Variants in MAP7 observed in about 807,000 individuals in gnomAD.
The protein encoded by MAP7 is ensconsin.
Under a neutral mutation model 94.8 loss-of-function variants are expected in MAP7, and 52 were observed. That is an observed-to-expected ratio of 0.55 (90% CI 0.44 to 0.69). The LOEUF (loss-of-function observed/expected upper bound fraction) is 0.69, where lower values mean the gene tolerates loss of function less well. Ranked by LOEUF, MAP7 falls within the 30% of genes least tolerant of loss-of-function variation. The pLI is 0.00. For missense variants in MAP7, 940 were observed against 964.6 expected (o/e 0.97, Z 0.34); for synonymous variants, 350 against 357.0 (o/e 0.98, Z 0.22).
intron 3 of MAP7, among the ~76,000 whole-genome samples, chr6:136,390,546 G>A (rs527304727): frequency 2.5e-4 from 38 of 152,140 alleles, no homozygotes; most frequent in South Asian, 1.2e-3. Flanking sequence ...CCAGCTACTC[G>A]GGAGGCTGAG....
intron 1 of MAP7, among the ~76,000 whole-genome samples, chr6:136,505,277 GTATATA>G (rs56764706): frequency 0.027 from 1,433 of 53,790 alleles, 82 homozygotes; most frequent in African/African-American, 0.11. Flanking sequence ...GTGTGTGTGT[GTATATA>G]TATATATATA....
intron 16 of MAP7, among the ~76,000 whole-genome samples, chr6:136,355,222 A>ATAATAATG (rs1279378717): frequency 1.3e-5 from 2 of 151,972 alleles, no homozygotes; most frequent in African/African-American, 4.8e-5. Context: ...TCTGTTCCCC[A>ATAATAATG]TAATAATGGG....
At chr6:136,424,357 T>G (rs1159538623) in intron 1 of MAP7, among the ~76,000 whole-genome samples, 2 of 151,288 alleles carry the variant, frequency 1.3e-5, no homozygotes, top group Non-Finnish European at 2.9e-5. Context: ...AATTAAGCCA[T>G]ATACTACGAT....
intron 1 of MAP7, among the ~76,000 whole-genome samples, chr6:136,503,043 T>G (rs920216561): frequency 6.6e-6 from 1 of 152,186 alleles, no homozygotes; most frequent in African/African-American, 2.4e-5. Flanking sequence ...TTATTCATGC[T>G]AATGCCTTGC....
chr6:136,548,987 C>G (rs928464403), intron 1 of MAP7, among the ~76,000 whole-genome samples: 6 of 152,162 alleles, frequency 3.9e-5, no homozygotes, highest in African/African-American at 1.4e-4. Context: ...ACCAATCTTG[C>G]GAACACATTA....
At chr6:136,519,978 C>T (rs1486129581) in intron 1 of MAP7, among the ~76,000 whole-genome samples, 1 of 151,988 alleles carries the variant, frequency 6.6e-6, no homozygotes, top group East Asian at 1.9e-4. Context: ...GTGTGGGGAT[C>T]ACTTGAGCCC....
chr6:136,353,163 TA>T (rs1789714366), intron 16 of MAP7, among the ~76,000 whole-genome samples: 1 of 152,154 alleles, frequency 6.6e-6, no homozygotes, highest in Non-Finnish European at 1.5e-5. Context: ...CCAGGTAACT[TA>T]AAAAAATAAT....
chr6:136,534,764 G>C lies in MAP7; in HGVS notation c.67+15578C>G, dbSNP rs145164233. Reference sequence around the variant, plus strand: ...ATCACCCTTTGAGAATCAAGTACTGGTGAGCTTAAAAGCATTATCAAATGA... The same window carrying C: ...ATCACCCTTTGAGAATCAAGTACTGCTGAGCTTAAAAGCATTATCAAATGA... On this transcript the variant is annotated intron_variant, in intron 1 of 17. Transcript: ENST00000354570. Among the ~76,000 whole-genome samples the C allele has an allele frequency of 1.1e-4, 17 of 152,154 alleles. No individual in the cohort carries two copies. In the East Asian group the frequency reaches 3.3e-3, roughly 29 times the overall value.
chr6:136,347,832 G>A (rs1189196531), intron 16 of MAP7, among the ~76,000 whole-genome samples: 1 of 152,156 alleles, frequency 6.6e-6, no homozygotes, highest in African/African-American at 2.4e-5. Context: ...AAAAAATGAA[G>A]ATGCCTGTCC....
chr6:136,432,982 C>T (rs750367543), intron 1 of MAP7, among the ~76,000 whole-genome samples: 5 of 152,026 alleles, frequency 3.3e-5, no homozygotes, highest in Non-Finnish European at 7.4e-5. Context: ...TCAAGTAATC[C>T]TCCCACCTCA....
At chr6:136,416,993 C>T (rs1789689869) in intron 2 of MAP7, among the ~76,000 whole-genome samples, 1 of 152,076 alleles carries the variant, frequency 6.6e-6, no homozygotes, top group Admixed American at 6.6e-5. Flanking sequence ...ATGGCACATG[C>T]TTGTGGTCCC....
At chr6:136,414,808 A>AT (rs550449278) in intron 2 of MAP7, among the ~76,000 whole-genome samples, 11,954 of 123,232 alleles carry the variant, frequency 0.097, 972 homozygotes, top group African/African-American at 0.21. Context: ...CAATCAGCTA[A>AT]TTTTTTTTTT....
chr6:136,398,553 G>A (rs1317779169), intron 3 of MAP7, among the ~76,000 whole-genome samples: 1 of 152,180 alleles, frequency 6.6e-6, no homozygotes, highest in African/African-American at 2.4e-5. Flanking sequence ...AATTTGAATT[G>A]TGGGAGTAGT....
intron 9 of MAP7, 120 bp downstream of exon 9, chr6:136,366,207 A>G: frequency 1.9e-6 from 2 of 1,052,824 alleles, no homozygotes; most frequent in Admixed American, 5.0e-5. Context: ...TCCTTTTGGG[A>G]AGAATGCTAT....
chr6:136,358,665 T>C (rs918224605), intron 15 of MAP7, among the ~76,000 whole-genome samples: 5 of 152,212 alleles, frequency 3.3e-5, no homozygotes, highest in Admixed American at 3.3e-4. Flanking sequence ...GATTTGATCT[T>C]TGAGCAAAAG....
intron 1 of MAP7, chr6:136,525,723 G>T: frequency 8.2e-7 from 1 of 1,218,454 alleles, no homozygotes; most frequent in Non-Finnish European, 1.1e-6. Context: ...GAGGTCACAA[G>T]CACTCCCTGG....
At chr6:136,467,236 G>C (rs75756098) in intron 1 of MAP7, among the ~76,000 whole-genome samples, 1 of 152,126 alleles carries the variant, frequency 6.6e-6, no homozygotes, top group Admixed American at 6.5e-5. Context: ...TCTCCAGACT[G>C]TCTGTCTTTG....
Position 136,361,063 on chromosome 6 carries a change from C to G in MAP7, c.1643G>C (p.Arg548Pro), listed in dbSNP as rs773760531. The G allele has an allele frequency of 6.3e-6, 10 of 1,598,692 alleles. No individual in the cohort carries two copies. In the South Asian group the frequency reaches 1.1e-4, roughly 18 times the overall value. Residue 548 changes from arginine to proline, a missense_variant, in exon 12 of 18, where the codon CGG becomes CCG. Coordinates refer to ENST00000354570, the MANE Select transcript of MAP7 (RefSeq NM_003980.6). ...QAREKEEQLQ[R>P]QAEERALRER... ...GCGCAGCGCCCGCTCCTCCGCCTGC[C>G]GCTGCAGCTGCTCCTCCTTCTCCCG...
At position 136,377,805 on chromosome 6, in the gene MAP7, T is replaced by C. The variant is rs1399456881; in HGVS notation, c.701A>G (p.His234Arg). The change falls in exon 7 of 18, where the codon CAT becomes CGT. Residue 234 changes from histidine (H) to arginine (R), a missense_variant. His to Arg is a conservative substitution (Grantham distance 29, BLOSUM62 0). Coordinates refer to ENST00000354570, the MANE Select transcript of MAP7 (RefSeq NM_003980.6). ...SVVNRLLTPT[H>R]SFLARSKSTA... ...GCTTTTACTTCTGGCCAGGAACGAA[T>C]GTGTGGGCGTCAGGAGTCTGTTAAC... The C allele has an allele frequency of 3.1e-6, 5 of 1,614,118 alleles. No homozygotes were observed. Among genetic ancestry groups the C allele is most frequent in the Admixed American group, 1.7e-5 (1 of 60,014 alleles).
Sources: gnomAD v4.1 joint callset for allele counts (sites outside exome capture counted in the v4.1 genomes callset) on GRCh38, gnomAD v4.1.1 for gene constraint, MANE v1.5 for transcripts, NCBI Gene and HGNC (gene_info 2026-07-23, HGNC 2026-07-21) for gene names.